The following RABEP1 variants were observed in gnomAD, a reference collection of about 807,000 sequenced individuals.
The protein encoded by RABEP1 is rabaptin, RAB GTPase binding effector protein 1, also known as rab GTPase-binding effector protein 1.
Under a neutral mutation model 123.4 loss-of-function variants are expected in RABEP1, and 51 were observed. The ratio of observed to expected loss-of-function variants is 0.41; its 90% CI spans 0.33 to 0.52. RABEP1 has a LOEUF of 0.52. Ranked by LOEUF, RABEP1 falls within the 20% of genes least tolerant of loss-of-function variation. The probability of loss-of-function intolerance (pLI) is 0.16; values close to 1 mark genes in which losing one functional copy is unlikely to be tolerated. For synonymous variants in RABEP1, 347 were observed against 355.2 expected (o/e 0.98, Z 0.26); for missense variants, 888 against 996.3 (o/e 0.89, Z 1.46).
chr17:5,341,171 T>A (rs1404368622), intron 5 of RABEP1, among the ~76,000 whole-genome samples: 1 of 151,356 alleles, frequency 6.6e-6, no homozygotes, highest in Admixed American at 6.6e-5. Context: ...ATCCTAGCAC[T>A]TTGTGAGGCT....
At chr17:5,283,275 G>A (rs1002887466) in intron 1 of RABEP1, among the ~76,000 whole-genome samples, 7 of 151,884 alleles carry the variant, frequency 4.6e-5, no homozygotes, top group Admixed American at 1.3e-4. Context: ...AGGCCTACTT[G>A]CACTACTTGA....
intron 11 of RABEP1, among the ~76,000 whole-genome samples, chr17:5,367,875 C>T (rs1158802582): frequency 6.6e-6 from 1 of 150,928 alleles, no homozygotes; most frequent in Non-Finnish European, 1.5e-5. Flanking sequence ...CCTGCCTCAG[C>T]CTCCCGAGTA....
intron 1 of RABEP1, among the ~76,000 whole-genome samples, chr17:5,295,388 CAAA>C (rs34686821): frequency 1.7e-5 from 2 of 120,390 alleles, no homozygotes; most frequent in Non-Finnish European, 1.8e-5. Context: ...GATTCCGTCT[CAAA>C]AAAAAAAAAA....
intron 7 of RABEP1, among the ~76,000 whole-genome samples, chr17:5,353,102 C>CA (rs1236774353): frequency 2.0e-5 from 3 of 152,216 alleles, no homozygotes; most frequent in African/African-American, 7.2e-5. Flanking sequence ...AGTGCTTACT[C>CA]ACCACCTCTT....
rs1035977541 is a variant in RABEP1 at position 5,324,200 on chromosome 17, A to G, written c.164-7749A>G. 1.8e-4 allele frequency among the ~76,000 whole-genome samples: 28 copies of G among 152,330 alleles called. 1 individual carries two copies. The highest frequency in any genetic ancestry group is 1.4e-3 in the Admixed American group (21 of 15,290). On this transcript the variant is annotated intron_variant, in intron 2 of 17. Coordinates refer to ENST00000537505, the MANE Select transcript of RABEP1 (RefSeq NM_004703.6). The stretch of plus-strand genomic sequence containing the variant: ...ACATTAAAATTTACTACAAAGCTAT[A>G]GTAACCCAATCAGCATGGCACTGGC...
intron 2 of RABEP1, among the ~76,000 whole-genome samples, chr17:5,314,410 T>C (rs1030925424): frequency 1.3e-5 from 2 of 149,334 alleles, no homozygotes; most frequent in Admixed American, 6.7e-5. Flanking sequence ...GCCCAGCTAG[T>C]TTTTGTATTT....
chr17:5,374,153 G>C (rs1053291202), intron 13 of RABEP1, among the ~76,000 whole-genome samples: 1 of 151,966 alleles, frequency 6.6e-6, no homozygotes. Flanking sequence ...TGCAACCTCC[G>C]CCTCACAGGT....
chr17:5,342,059 A>G (rs1907663163), intron 5 of RABEP1, among the ~76,000 whole-genome samples: 1 of 152,232 alleles, frequency 6.6e-6, no homozygotes, highest in South Asian at 2.1e-4. Flanking sequence ...TAAAGAAACC[A>G]GAGAATGTAC....
At chr17:5,360,636 T>C (rs1350958079) in intron 8 of RABEP1, among the ~76,000 whole-genome samples, 1 of 152,234 alleles carries the variant, frequency 6.6e-6, no homozygotes, top group African/African-American at 2.4e-5. Flanking sequence ...ATCCCCAAGA[T>C]GTTAATCTTT....
At chr17:5,299,738 TTTTTTTTTTG>T (rs1457729943) in intron 1 of RABEP1, among the ~76,000 whole-genome samples, 2 of 126,372 alleles carry the variant, frequency 1.6e-5, no homozygotes, top group Non-Finnish European at 3.3e-5. Flanking sequence ...TTTCTTTTTT[TTTTTTTTTTG>T]GAGGCAGAGT....
chr17:5,317,256 T>C (rs990429230), intron 2 of RABEP1, among the ~76,000 whole-genome samples: 2 of 152,110 alleles, frequency 1.3e-5, no homozygotes, highest in Non-Finnish European at 2.9e-5. Flanking sequence ...GCATGAAAAG[T>C]GGGATTCATC....
chr17:5,363,743 G>A (rs1909771216), intron 10 of RABEP1, among the ~76,000 whole-genome samples: 1 of 152,174 alleles, frequency 6.6e-6, no homozygotes, highest in Non-Finnish European at 1.5e-5. Context: ...GTCCTTCAGT[G>A]CATATTACTC....
chr17:5,386,292 A>G lies in RABEP1; in HGVS notation c.*3069A>G. 6.4e-7 allele frequency: 1 copy of G among 1,561,150 alleles called. No homozygotes were observed. The highest frequency in any genetic ancestry group is 8.8e-7 in the Non-Finnish European group (1 of 1,140,804). ...CCCCTGTAAAATTGTAAAGTCACTC[A>G]CTTTTGGAATTATAATAAACCATTT... is the stretch of plus-strand genomic sequence containing the variant. On this transcript the variant is annotated 3_prime_UTR_variant, in exon 18 of 18. Transcript: ENST00000537505.
chr17:5,333,690 A>T (rs1247357625), intron 3 of RABEP1, among the ~76,000 whole-genome samples: 1 of 152,174 alleles, frequency 6.6e-6, no homozygotes, highest in African/African-American at 2.4e-5. Flanking sequence ...ACGAAATCCA[A>T]AGGTAGATAA....
At chr17:5,319,723 C>T (rs2075335031) in intron 2 of RABEP1, among the ~76,000 whole-genome samples, 2 of 152,036 alleles carry the variant, frequency 1.3e-5, no homozygotes, top group South Asian at 2.1e-4. Flanking sequence ...AGTCTTAGAA[C>T]TGATAAATAG....
rs371712478 is a variant in RABEP1, at chr17:5,305,467, G to A, written c.35-3227G>A. ...AATCTTGGCTGCATCTTTAACAGCT[G>A]CATTTTTGTTTTGTTGATTCATTTG... On this transcript the variant is annotated intron_variant, in intron 1 of 17. Coordinates refer to ENST00000537505, the MANE Select transcript of RABEP1 (RefSeq NM_004703.6). Among the ~76,000 whole-genome samples the A allele has an allele frequency of 1.0e-3, 154 of 152,178 alleles. 7 individuals are homozygous for A. In the South Asian group the frequency reaches 0.031, roughly 31 times the overall value.
chr17:5,300,375 G>T (rs1445941541), intron 1 of RABEP1, among the ~76,000 whole-genome samples: 1 of 152,166 alleles, frequency 6.6e-6, no homozygotes, highest in Admixed American at 6.5e-5. Context: ...GACTGACATA[G>T]CGTCTTGGGA....
intron 1 of RABEP1, among the ~76,000 whole-genome samples, chr17:5,293,919 G>T (rs927605175): frequency 4.5e-4 from 68 of 152,030 alleles, no homozygotes; most frequent in African/African-American, 1.5e-3. Context: ...TGAGCTGTTT[G>T]TCAAGTTGGA....
rs762674187 is a variant in RABEP1, at chr17:5,332,167, A to T, written c.367+15A>T. On this transcript the variant is annotated intron_variant, in intron 3 of 17. Coordinates refer to ENST00000537505, the MANE Select transcript of RABEP1 (RefSeq NM_004703.6). ...TGTTATGAAAGGTAAAGACAGAGAA[A>T]GATCAATTTTGTGATTTTCTAAGAT... 9.3e-6 allele frequency: 15 copies of T among 1,607,056 alleles called. No individual in the cohort carries two copies. Among genetic ancestry groups the T allele is most frequent in the Non-Finnish European group, 1.3e-5 (15 of 1,175,758 alleles).
Sources: gnomAD v4.1 joint callset for allele counts (sites outside exome capture counted in the v4.1 genomes callset) on GRCh38, gnomAD v4.1.1 for gene constraint, MANE v1.5 for transcripts, NCBI Gene and HGNC (gene_info 2026-07-23, HGNC 2026-07-21) for gene names.